The following TGIF2 variants were observed in gnomAD, a reference collection of about 807,000 sequenced individuals.
The protein encoded by TGIF2 is TGFB induced factor homeobox 2.
A neutral mutation model predicts 15.1 loss-of-function variants in TGIF2; 5 were observed. The observed-to-expected ratio is 0.33, with a 90% CI of 0.17 to 0.70. The LOEUF (loss-of-function observed/expected upper bound fraction) is 0.70, where lower values mean the gene tolerates loss of function less well. Ranked by LOEUF, TGIF2 falls within the 30% of genes least tolerant of loss-of-function variation. TGIF2 has a pLI of 0.67. For missense variants in TGIF2, 264 were observed against 302.5 expected, an observed-to-expected ratio of 0.87 and a Z score of 0.94; for synonymous variants, 131 against 128.9, an observed-to-expected ratio of 1.02 and a Z score of -0.11.
At position 36,592,079 on chromosome 20, in the gene TGIF2, T is replaced by C. The variant is rs2038777792; in HGVS notation, c.*648T>C. 1 of 152,522 alleles carries C rather than the reference T, an allele frequency of 6.6e-6. No homozygotes were observed. Among genetic ancestry groups the C allele is most frequent in the Admixed American group, 6.6e-5 (1 of 15,256 alleles). 9.4% of individuals were successfully genotyped at this position (152,522 alleles called of 1,614,324 possible). ...TTGTTTTGGAAGAAAGGAATATTTTTATCTTGGGGACCAGCTAAGTCTCTG... is the reference window on the plus strand; with the variant it reads ...TTGTTTTGGAAGAAAGGAATATTTTCATCTTGGGGACCAGCTAAGTCTCTG... On this transcript the variant is annotated 3_prime_UTR_variant, in exon 3 of 3. Coordinates refer to ENST00000373872, the MANE Select transcript of TGIF2 (RefSeq NM_021809.7).
Position 36,590,895 on chromosome 20 carries a change from G to A in TGIF2, c.193-15G>A, listed in dbSNP as rs1159058714. The A allele has an allele frequency of 2.0e-6, 3 of 1,513,570 alleles. No homozygotes were observed. Among genetic ancestry groups the A allele is most frequent in the African/African-American group, 2.8e-5 (2 of 71,656 alleles). 93.8% of individuals were successfully genotyped at this position (1,513,570 alleles called of 1,614,324 possible). ...TAGATTAAGCAAATTGATCGGTCTT[G>A]TATATTCATTCCAGATATGTAACTG... is the stretch of plus-strand genomic sequence containing the variant. On this transcript the variant is annotated splice_polypyrimidine_tract_variant and intron_variant, in intron 2 of 2. Transcript: ENST00000373872.
chr20:36,582,939 A>G (rs932453859), intron 2 of TGIF2, among the ~76,000 whole-genome samples: 2 of 152,102 alleles, frequency 1.3e-5, no homozygotes, highest in African/African-American at 4.8e-5. Context: ...ACCCTCATCT[A>G]AACCATCATT....
chr20:36,588,060 A>G (rs2038694483), intron 2 of TGIF2, among the ~76,000 whole-genome samples: 1 of 149,064 alleles, frequency 6.7e-6, no homozygotes, highest in Non-Finnish European at 1.5e-5. Flanking sequence ...ACAGAGTGAG[A>G]CCCTGTCTTT....
intron 1 of TGIF2, among the ~76,000 whole-genome samples, chr20:36,575,009 G>C (rs1385744372): frequency 6.6e-6 from 1 of 152,112 alleles, no homozygotes; most frequent in African/African-American, 2.4e-5. Flanking sequence ...AGAACTGATT[G>C]TTAGTGTGAT....
In TGIF2 at chr20:36,578,812, T is replaced by G. The variant is rs1242129707; in HGVS notation, c.38T>G (p.Leu13Arg). Residue 13 changes from leucine (L) to arginine (R), a missense_variant, in exon 2 of 3, where the codon CTC (leucine) becomes CGC (arginine). Leu to Arg is a moderately radical substitution (Grantham distance 102). Transcript: ENST00000373872. ...DSDLGEDEGLLSLAGKRKRRG... is the reference protein window; with the variant it reads ...DSDLGEDEGLRSLAGKRKRRG... ...GATCTAGGTGAGGACGAAGGCCTCC[T>G]CTCCCTGGCGGGCAAAAGGAAGCGC... 6.2e-7 allele frequency: 1 copy of G among 1,614,050 alleles called. No individual in the cohort carries two copies. Among genetic ancestry groups the G allele is most frequent in the Admixed American group, 1.7e-5 (1 of 60,006 alleles).
intron 2 of TGIF2, among the ~76,000 whole-genome samples, chr20:36,589,899 G>A (rs2038735285): frequency 6.6e-6 from 1 of 152,154 alleles, no homozygotes; most frequent in Admixed American, 6.5e-5. Flanking sequence ...ATGTTGACCA[G>A]GCTGGTCTGG....
Position 36,590,957 on chromosome 20 carries a change from G to A in TGIF2, c.240G>A (p.Met80Ile). 1 of 1,530,426 alleles carries A rather than the reference G, an allele frequency of 6.5e-7. No homozygotes were observed. The highest frequency in any genetic ancestry group is 8.8e-7 in the Non-Finnish European group (1 of 1,135,902). 94.8% of individuals were successfully genotyped at this position (1,530,426 alleles called of 1,614,324 possible). Residue 80 changes from methionine to isoleucine, a missense_variant, in exon 3 of 3, where the codon ATG becomes ATA. Transcript: ENST00000373872. ...INARRRLLPD[M>I]LRKDGKDPNQ... ...CCCGGCGGCGGCTTCTCCCAGACAT[G>A]CTTCGGAAGGATGGCAAAGACCCTA...
At chr20:36,575,538 G>T (rs1026592716) in intron 1 of TGIF2, among the ~76,000 whole-genome samples, 1 of 152,216 alleles carries the variant, frequency 6.6e-6, no homozygotes, top group Non-Finnish European at 1.5e-5. Flanking sequence ...TCAGAAAGCA[G>T]CCTGCAGTGG....
At chr20:36,582,722 C>G (rs1488648000) in intron 2 of TGIF2, among the ~76,000 whole-genome samples, 2 of 152,214 alleles carry the variant, frequency 1.3e-5, no homozygotes, top group Non-Finnish European at 2.9e-5. Context: ...TGGTGGCCAC[C>G]TGCTCTAGAG....
chr20:36,577,574 G>A (rs1297722678), intron 1 of TGIF2, among the ~76,000 whole-genome samples: 15 of 148,794 alleles, frequency 1.0e-4, no homozygotes, highest in East Asian at 2.0e-4. Flanking sequence ...GCTGGAGTGC[G>A]GTGGCACGAT....
In TGIF2 at chr20:36,574,489, T is replaced by TTCCCC. The variant is rs1207115254; in HGVS notation, c.-35+755_-35+759dup. ...TGGGAGCCCAGCCCCCTCCCCTCCC[T>TTCCCC]TCCCCTCCCCTCCCCCTCCGGGCCC... On this transcript the variant is annotated intron_variant, in intron 1 of 2. Coordinates refer to ENST00000373872, the MANE Select transcript of TGIF2 (RefSeq NM_021809.7). 1.5e-4 allele frequency: 18 copies of TTCCCC among 119,490 alleles called. 1 individual carries two copies. The highest frequency in any genetic ancestry group is 5.2e-4 in the African/African-American group (18 of 34,318). The allele number at this position is 119,490 out of a possible 1,614,324, so 7.4% of individuals were successfully genotyped here.
intron 2 of TGIF2, among the ~76,000 whole-genome samples, chr20:36,586,738 CAG>C (rs2038668020): frequency 2.2e-5 from 3 of 137,192 alleles, no homozygotes; most frequent in Admixed American, 7.7e-5. Context: ...GATTCTAATA[CAG>C]AGAGCTGCCT....
rs2038488966 is a variant in TGIF2, at chr20:36,578,977, G to T, written c.192+11G>T. 1.9e-6 allele frequency: 3 copies of T among 1,612,514 alleles called. No homozygotes were observed. The highest frequency in any genetic ancestry group is 1.7e-5 in the Admixed American group (1 of 59,840). On this transcript the variant is annotated intron_variant, in intron 2 of 2. Transcript: ENST00000373872. ...CTGTCAGTGCTGCAAGTAAGGAGGGGATCTGGATAAGGGGGTGGCAGGAGG... is the reference window on the plus strand; with the variant it reads ...CTGTCAGTGCTGCAAGTAAGGAGGGTATCTGGATAAGGGGGTGGCAGGAGG...
At chr20:36,590,118 G>A (rs866077107) in intron 2 of TGIF2, among the ~76,000 whole-genome samples, 1 of 152,058 alleles carries the variant, frequency 6.6e-6, no homozygotes, top group Non-Finnish European at 1.5e-5. Flanking sequence ...CATCACAACA[G>A]CTGATTTTTT....
intron 1 of TGIF2, chr20:36,574,560 C>T (rs967124930): frequency 6.6e-6 from 1 of 152,262 alleles, no homozygotes; most frequent in Admixed American, 6.5e-5. Context: ...CGTCCCCGCG[C>T]CCCGAAGAGT....
intron 2 of TGIF2, among the ~76,000 whole-genome samples, chr20:36,590,426 G>T (rs1337214656): frequency 1.3e-5 from 2 of 152,180 alleles, no homozygotes; most frequent in African/African-American, 4.8e-5. Flanking sequence ...GCTAATTTTT[G>T]TATTTTTAGT....
At chr20:36,588,220 C>G (rs1429585045) in intron 2 of TGIF2, among the ~76,000 whole-genome samples, 1 of 152,138 alleles carries the variant, frequency 6.6e-6, no homozygotes, top group East Asian at 1.9e-4. Context: ...TTTGGGGACA[C>G]TGCCCTCTAC....
At position 36,591,518 on chromosome 20, in the gene TGIF2, G is replaced by A; in HGVS notation, c.*87G>A. The A allele has an allele frequency of 1.4e-6, 2 of 1,393,674 alleles. No homozygotes were observed. Among genetic ancestry groups the A allele is most frequent in the Non-Finnish European group, 2.0e-6 (2 of 1,023,590 alleles). The allele number at this position is 1,393,674 out of a possible 1,614,324, so 86.3% of individuals were successfully genotyped here. ...CCTTTCATACAGAGGGTTTTCTATGGATCACTGCCAAACATTGGGATCATC... is the reference window on the plus strand; with the variant it reads ...CCTTTCATACAGAGGGTTTTCTATGAATCACTGCCAAACATTGGGATCATC... On this transcript the variant is annotated 3_prime_UTR_variant, in exon 3 of 3. Coordinates refer to ENST00000373872, the MANE Select transcript of TGIF2 (RefSeq NM_021809.7). This position sits in a 1 kb window ranked among gnomAD's most constrained non-coding sequence, Gnocchi z 5.3.
intron 1 of TGIF2, among the ~76,000 whole-genome samples, chr20:36,576,916 G>A (rs2038441495): frequency 6.6e-6 from 1 of 152,164 alleles, no homozygotes; most frequent in Non-Finnish European, 1.5e-5. Flanking sequence ...TGTTGCCCAG[G>A]CTGGTCTTGA....
Sources: allele counts gnomAD v4.1 joint callset (sites outside exome capture counted in the v4.1 genomes callset), GRCh38; gene constraint gnomAD v4.1.1; non-coding constraint Gnocchi (gnomAD v3.1); transcripts MANE v1.5; gene names NCBI Gene and HGNC (gene_info 2026-07-23, HGNC 2026-07-21).